Variants in PRG3 observed in about 807,000 individuals in gnomAD.
PRG3 encodes proteoglycan 3.
In PRG3, 25 loss-of-function variants were observed where a neutral mutation model predicts 26.1. The ratio of observed to expected loss-of-function variants is 0.96; its 90% CI spans 0.70 to 1.34. The LOEUF is 1.34. PRG3 is among the 40% of genes most tolerant of loss of function. The probability of loss-of-function intolerance (pLI) is 0.00; values close to 1 mark genes in which losing one functional copy is unlikely to be tolerated. For missense variants in PRG3, 280 were observed against 264.8 expected (o/e 1.06, Z -0.40); for synonymous variants, 111 against 100.4 (o/e 1.11, Z -0.63).
At chr11:57,381,047 C>T in intron 1 of PRG3, 67 bp downstream of exon 1, 1 of 169,474 alleles carries the variant, frequency 5.9e-6, no homozygotes, top group South Asian at 1.8e-4. Context: ...ACGTGTTTGC[C>T]CTATGAGGTG....
intron 2 of PRG3, 92 bp from the exon 3 acceptor site, chr11:57,379,899 G>T: frequency 8.4e-7 from 1 of 1,191,778 alleles, no homozygotes; most frequent in Non-Finnish European, 1.2e-6. Context: ...GCTTTCCTAG[G>T]AATTCCACCT....
intron 3 of PRG3, 56 bp downstream of exon 3, chr11:57,379,438 A>G: frequency 6.9e-7 from 1 of 1,454,622 alleles, no homozygotes; most frequent in South Asian, 1.3e-5. Context: ...GGAACAGAAG[A>G]CTGAATGTAC....
chr11:57,378,874 G>A (rs1856971144), intron 3 of PRG3, 62 bp from the exon 4 acceptor site: 1 of 1,596,622 alleles, frequency 6.3e-7, no homozygotes, highest in Admixed American at 1.7e-5. Context: ...GAGTCTCCAG[G>A]CAAGAGCCCG....
chr11:57,380,922 A>C, intron 1 of PRG3, 141 bp from the exon 2 acceptor site: 1 of 429,988 alleles, frequency 2.3e-6, no homozygotes, highest in Non-Finnish European at 4.1e-6. Context: ...CAGGTACCAA[A>C]TTTCATTTGT....
intron 3 of PRG3, 127 bp downstream of exon 3, chr11:57,379,367 A>C: frequency 1.0e-6 from 1 of 1,004,708 alleles, no homozygotes; most frequent in Non-Finnish European, 1.5e-6. Flanking sequence ...GTGTTTTAAC[A>C]ACAACTCCAG....
rs765024882 is a variant in PRG3 at position 57,376,810 on chromosome 11, G to T, written c.*40C>A. The T allele has an allele frequency of 2.5e-6, 4 of 1,601,814 alleles. No homozygotes were observed. Among genetic ancestry groups the T allele is most frequent in the Admixed American group, 1.7e-5 (1 of 59,952 alleles). ...GATTTATGAGCAGGAGAGGTTGGGG[G>T]ACGGGAGGGAGCTGCTGGCAGGGTC... is the stretch of plus-strand genomic sequence containing the variant. On this transcript the variant is annotated 3_prime_UTR_variant, in exon 6 of 6. Transcript: ENST00000287143.
intron 5 of PRG3, among the ~76,000 whole-genome samples, 175 bp downstream of exon 5, chr11:57,377,550 C>T (rs1394104688): frequency 1.3e-5 from 2 of 152,122 alleles, no homozygotes; most frequent in South Asian, 2.1e-4. Context: ...CTCCTATCAC[C>T]TGGTTTTGCT....
chr11:57,378,425 G>A (rs1030848778), intron 4 of PRG3, among the ~76,000 whole-genome samples: 2 of 151,960 alleles, frequency 1.3e-5, no homozygotes, highest in African/African-American at 2.4e-5. Flanking sequence ...CTGATGTGTA[G>A]CAATTGCCTA....
intron 5 of PRG3, 29 bp downstream of exon 5, chr11:57,377,696 C>T (rs561714177): frequency 2.6e-6 from 4 of 1,565,682 alleles, no homozygotes; most frequent in East Asian, 2.2e-5. Context: ...ACTATCCCTT[C>T]TCCCTGCCCT....
At chr11:57,378,042 G>A (rs192967790) in intron 4 of PRG3, among the ~76,000 whole-genome samples, 202 of 152,292 alleles carry the variant, frequency 1.3e-3, no homozygotes, top group Non-Finnish European at 2.3e-3. Context: ...TTTACTGTGC[G>A]TACGTTATCT....
chr11:57,380,559 C>T (rs2134465243), intron 2 of PRG3, 89 bp downstream of exon 2: 1 of 1,210,832 alleles, frequency 8.3e-7, no homozygotes, highest in Non-Finnish European at 1.1e-6. Context: ...TGGTCCTGGC[C>T]TCATGAGTGC....
In PRG3 at chr11:57,379,046, C is replaced by T. The variant is rs1207611817; in HGVS notation, c.376-234G>A. Among the ~76,000 whole-genome samples, 8 of 152,310 alleles carry T rather than the reference C, an allele frequency of 5.3e-5. No individual in the cohort carries two copies. The East Asian group carries it at 1.5e-3, about 29-fold the overall frequency. On this transcript the variant is annotated intron_variant, in intron 3 of 5. Transcript: ENST00000287143. ...ATTACAGCCCAGTGACTATTCCAAACACTTTTCATGTATTATCTCATTTAA... is the reference window on the plus strand; with the variant it reads ...ATTACAGCCCAGTGACTATTCCAAATACTTTTCATGTATTATCTCATTTAA...
intron 4 of PRG3, 121 bp downstream of exon 4, chr11:57,378,560 A>T: frequency 7.5e-7 from 1 of 1,327,546 alleles, no homozygotes; most frequent in Non-Finnish European, 1.0e-6. Context: ...CATCTCCAGC[A>T]CATCATTGCC....
Position 57,376,823 on chromosome 11 carries a change from T to C in PRG3, c.*27A>G. On this transcript the variant is annotated 3_prime_UTR_variant, in exon 6 of 6. Coordinates refer to ENST00000287143, the MANE Select transcript of PRG3 (RefSeq NM_006093.4). ...GAGAGGTTGGGGGACGGGAGGGAGC[T>C]GCTGGCAGGGTCTCCGTGCCGCTGG... 1 of 1,611,492 alleles carries C rather than the reference T, an allele frequency of 6.2e-7. No homozygotes were observed. The highest frequency in any genetic ancestry group is 8.5e-7 in the Non-Finnish European group (1 of 1,179,096).
chr11:57,377,737 G>C lies in PRG3; in HGVS notation c.607C>G (p.Leu203Val). 2.5e-6 allele frequency: 4 copies of C among 1,612,408 alleles called. No individual in the cohort carries two copies. Among genetic ancestry groups the C allele is most frequent in the Non-Finnish European group, 3.4e-6 (4 of 1,179,504 alleles). The change falls in exon 5 of 6, where the codon CTA (leucine) becomes GTA (valine). Residue 203 changes from leucine to valine, a missense_variant. Leu to Val is a conservative substitution (Grantham distance 32). Coordinates refer to ENST00000287143, the MANE Select transcript of PRG3 (RefSeq NM_006093.4). Reference protein sequence around the residue: ...PGNGQGSCVALCTKGGYWRRA... With the variant: ...PGNGQGSCVAVCTKGGYWRRA... ...CCTTCCCCCTCACCTTTGGTGCATA[G>C]GGCCACACAGGAGCCTTGCCCATTC...
chr11:57,379,522 C>G lies in PRG3; in HGVS notation c.347G>C (p.Arg116Pro). The change falls in exon 3 of 6, where the codon CGG becomes CCG. Residue 116 changes from arginine to proline, a missense_variant. Transcript: ENST00000287143. ...RCKICRYLLV[R>P]TPKTFAEAQN... Reference sequence around the variant, plus strand: ...AGCTTCTGCAAAAGTTTTAGGAGTCCGCACCAATAGGTAGCGGCAGATCTT... The same window carrying G: ...AGCTTCTGCAAAAGTTTTAGGAGTCGGCACCAATAGGTAGCGGCAGATCTT... 6.2e-7 allele frequency: 1 copy of G among 1,612,858 alleles called. No homozygotes were observed. Among genetic ancestry groups the G allele is most frequent in the African/African-American group, 1.3e-5 (1 of 74,978 alleles).
At chr11:57,376,955 C>A (rs748114128) in intron 5 of PRG3, 47 bp from the exon 6 acceptor site, 10 of 1,604,676 alleles carry the variant, frequency 6.2e-6, no homozygotes, top group Non-Finnish European at 7.7e-6. Context: ...CGGGGTCTGG[C>A]CTGGGCTTCA....
intron 2 of PRG3, among the ~76,000 whole-genome samples, chr11:57,380,329 G>A (rs1856986134): frequency 6.6e-6 from 1 of 151,986 alleles, no homozygotes; most frequent in African/African-American, 2.4e-5. Context: ...GAACCCGGGA[G>A]GCGGAGTTTG....
chr11:57,379,796 G>A lies in PRG3; in HGVS notation c.73C>T (p.Pro25Ser). Residue 25 changes from proline (P) to serine (S), a missense_variant, in exon 3 of 6, where the codon CCC (proline) becomes TCC (serine). Transcript: ENST00000287143. ...VSALHLENDAPHLESLETQAD... is the reference protein window; with the variant it reads ...VSALHLENDASHLESLETQAD... ...TGTGTCTCTAGGCTCTCCAGATGGG[G>A]GGCATCATTCTCTGGGAAGAAGAGG... is the stretch of plus-strand genomic sequence containing the variant. 6.2e-7 allele frequency: 1 copy of A among 1,606,778 alleles called. No individual in the cohort carries two copies. The highest frequency in any genetic ancestry group is 8.5e-7 in the Non-Finnish European group (1 of 1,175,650).
Sources: gnomAD v4.1 joint callset for allele counts (sites outside exome capture counted in the v4.1 genomes callset) on GRCh38, gnomAD v4.1.1 for gene constraint, MANE v1.5 for transcripts, NCBI Gene and HGNC (gene_info 2026-07-23, HGNC 2026-07-21) for gene names.